RYK: variants seen among roughly 807,000 people sequenced by gnomAD.
RYK encodes receptor like tyrosine kinase.
Under a neutral mutation model 70.2 loss-of-function variants are expected in RYK, and 21 were observed. The ratio of observed to expected loss-of-function variants is 0.30; its 90% CI spans 0.21 to 0.43. The LOEUF is 0.43. RYK is among the 20% of genes least tolerant of loss of function. The pLI, the probability that RYK is intolerant of heterozygous loss-of-function variation, is 1.00. For synonymous variants in RYK, 267 were observed against 278.0 expected, an observed-to-expected ratio of 0.96 and a Z score of 0.39; for missense variants, 604 against 753.3, an observed-to-expected ratio of 0.80 and a Z score of 2.32.
intron 13 of RYK, among the ~76,000 whole-genome samples, chr3:134,160,716 A>G (rs978427350): frequency 6.6e-6 from 1 of 152,190 alleles, no homozygotes; most frequent in Non-Finnish European, 1.5e-5. Flanking sequence ...TTATCTGGGC[A>G]TGGTGGCGCA....
At chr3:134,178,470 A>T (rs560468797) in intron 10 of RYK, 1 of 153,496 alleles carries the variant, frequency 6.5e-6, no homozygotes, top group African/African-American at 2.4e-5. Flanking sequence ...ATGAAAAAAA[A>T]AAAAGGCCCA....
intron 13 of RYK, among the ~76,000 whole-genome samples, chr3:134,160,832 G>T (rs974611079): frequency 1.3e-5 from 2 of 152,132 alleles, no homozygotes; most frequent in East Asian, 3.9e-4. Context: ...TCCAGCCTGG[G>T]CAACAAAGCG....
intron 8 of RYK, among the ~76,000 whole-genome samples, chr3:134,191,647 C>T (rs1456066326): frequency 6.6e-6 from 1 of 152,078 alleles, no homozygotes; most frequent in East Asian, 1.9e-4. Context: ...ACTTGAAAAT[C>T]AAGAACTGCA....
intron 10 of RYK, among the ~76,000 whole-genome samples, chr3:134,182,230 A>G (rs995887233): frequency 1.3e-5 from 2 of 152,150 alleles, no homozygotes; most frequent in African/African-American, 4.8e-5. Context: ...ATGATTGTAT[A>G]CCAGAAATTA....
intron 13 of RYK, among the ~76,000 whole-genome samples, chr3:134,175,197 T>C (rs1327960130): frequency 1.3e-5 from 2 of 152,132 alleles, no homozygotes; most frequent in East Asian, 1.9e-4. Context: ...TAGCTGGGCA[T>C]GTGCCCATGG....
At chr3:134,228,298 A>G (rs1003162058) in intron 1 of RYK, among the ~76,000 whole-genome samples, 33 of 151,126 alleles carry the variant, frequency 2.2e-4, no homozygotes, top group Middle Eastern at 3.4e-3. Flanking sequence ...GTGTAGGGGG[A>G]AAAAAAAATA....
At position 134,248,267 on chromosome 3, in the gene RYK, AT is replaced by A. The variant is rs200409835; in HGVS notation, c.232+2155del. Among the ~76,000 whole-genome samples, 560 of 152,276 alleles carry A rather than the reference AT, an allele frequency of 3.7e-3. 13 individuals carry two copies. The highest frequency in any genetic ancestry group is 0.034 in the Admixed American group (523 of 15,296). ...ATAGACAAGGGAGTTAATTGAAACAATGCTTCCTACCCTCCCAGCAACAGCA... is the reference window on the plus strand; with the variant it reads ...ATAGACAAGGGAGTTAATTGAAACAAGCTTCCTACCCTCCCAGCAACAGCA... On this transcript the variant is annotated intron_variant, in intron 1 of 14. Coordinates refer to ENST00000623711, the MANE Select transcript of RYK (RefSeq NM_002958.4).
intron 2 of RYK, among the ~76,000 whole-genome samples, chr3:134,217,195 C>A (rs984361946): frequency 1.3e-5 from 2 of 152,280 alleles, no homozygotes; most frequent in East Asian, 3.9e-4. Flanking sequence ...TATCAGGGAG[C>A]CTGCAGATCT....
intron 10 of RYK, 42 bp downstream of exon 10, chr3:134,182,960 T>A: frequency 7.7e-7 from 1 of 1,304,106 alleles, no homozygotes; most frequent in Non-Finnish European, 1.1e-6. Context: ...CATCAAGTGT[T>A]GCCATGCTCA....
chr3:134,236,294 A>G (rs946561707), intron 1 of RYK, among the ~76,000 whole-genome samples: 1 of 152,168 alleles, frequency 6.6e-6, no homozygotes, highest in African/African-American at 2.4e-5. Flanking sequence ...ATAATGCATA[A>G]TAAGAGCTGG....
intron 3 of RYK, among the ~76,000 whole-genome samples, chr3:134,210,578 C>T (rs1369456030): frequency 2.6e-5 from 4 of 152,196 alleles, no homozygotes; most frequent in Admixed American, 1.3e-4. Context: ...GTGAATATGA[C>T]TGCCAGAAAA....
chr3:134,216,159 G>A (rs1323818302), intron 2 of RYK, among the ~76,000 whole-genome samples: 1 of 152,046 alleles, frequency 6.6e-6, no homozygotes, highest in African/African-American at 2.4e-5. Context: ...CCCTTACTTG[G>A]AAACAAATGG....
intron 10 of RYK, chr3:134,181,020 C>G (rs564780278): frequency 6.6e-6 from 1 of 152,304 alleles, no homozygotes; most frequent in East Asian, 1.9e-4. Flanking sequence ...AATGCTTGCT[C>G]TGAGCATTTT....
intron 8 of RYK, among the ~76,000 whole-genome samples, chr3:134,189,604 C>G (rs1185732248): frequency 6.7e-6 from 1 of 149,598 alleles, no homozygotes; most frequent in Non-Finnish European, 1.5e-5. Context: ...ACTAAAAATA[C>G]AAAAAAAAAT....
chr3:134,200,731 C>T (rs2013985521), intron 6 of RYK, among the ~76,000 whole-genome samples: 1 of 152,146 alleles, frequency 6.6e-6, no homozygotes, highest in Non-Finnish European at 1.5e-5. Context: ...TAACTTAATC[C>T]ATGTAGCCCA....
chr3:134,199,058 T>G (rs1017973104), intron 6 of RYK, among the ~76,000 whole-genome samples: 2 of 152,144 alleles, frequency 1.3e-5, no homozygotes, highest in African/African-American at 4.8e-5. Flanking sequence ...CTGCAGGACT[T>G]CAGGGTGAAT....
chr3:134,221,986 T>G (rs952579835), intron 2 of RYK, among the ~76,000 whole-genome samples: 1 of 152,184 alleles, frequency 6.6e-6, no homozygotes. Flanking sequence ...GCATCTGCTG[T>G]ACCTTTCTTA....
At chr3:134,229,631 C>T (rs2015004964) in intron 1 of RYK, among the ~76,000 whole-genome samples, 1 of 151,524 alleles carries the variant, frequency 6.6e-6, no homozygotes, top group Admixed American at 6.6e-5. Context: ...ACAGTCACAT[C>T]TATCTAAGAA....
chr3:134,202,862 T>G lies in RYK; in HGVS notation c.656A>C (p.His219Pro), dbSNP rs767435817. The change falls in exon 6 of 15, where the codon CAT becomes CCT. Residue 219 changes from histidine (H) to proline (P), a missense_variant. Coordinates refer to ENST00000623711, the MANE Select transcript of RYK (RefSeq NM_002958.4). ...ACGCGTAGAAGTGGTTGGAGCTGCATGTACAGGATCATCTGAAATAAAAAC... is the reference window on the plus strand; with the variant it reads ...ACGCGTAGAAGTGGTTGGAGCTGCAGGTACAGGATCATCTGAAATAAAAAC... The part of the protein sequence containing the change: ...NTSRTIYDPV[H>P]AAPTTSTRVF... 1.2e-6 allele frequency: 2 copies of G among 1,611,324 alleles called. No individual in the cohort carries two copies. Among genetic ancestry groups the G allele is most frequent in the African/African-American group, 1.3e-5 (1 of 74,822 alleles).
Sources: gnomAD v4.1 joint callset for allele counts (sites outside exome capture counted in the v4.1 genomes callset) on GRCh38, gnomAD v4.1.1 for gene constraint, MANE v1.5 for transcripts, NCBI Gene and HGNC (gene_info 2026-07-23, HGNC 2026-07-21) for gene names.